KIAA1217: variants seen among roughly 807,000 people sequenced by gnomAD.
KIAA1217 encodes the protein KIAA1217, also known as sickle tail protein homolog.
In KIAA1217, 88 loss-of-function variants were observed where a neutral mutation model predicts 163.9. The observed-to-expected ratio is 0.54, with a 90% confidence interval of 0.45 to 0.64. The LOEUF is 0.64. Ranked by LOEUF, KIAA1217 falls within the 30% of genes least tolerant of loss-of-function variation. The pLI is 0.00. For missense variants in KIAA1217, 2,372 were observed against 2,475.0 expected, an observed-to-expected ratio of 0.96 and a Z score of 0.88; for synonymous variants, 903 against 923.1, an observed-to-expected ratio of 0.98 and a Z score of 0.39.
chr10:24,515,242 A>G (rs1290637071), intron 10 of KIAA1217, among the ~76,000 whole-genome samples: 1 of 151,516 alleles, frequency 6.6e-6, no homozygotes, highest in Non-Finnish European at 1.5e-5. Flanking sequence ...TAATTTTTGT[A>G]TTTTTAGTAA....
At chr10:23,786,453 A>G (rs1221340859) in intron 1 of KIAA1217, among the ~76,000 whole-genome samples, 1 of 149,724 alleles carries the variant, frequency 6.7e-6, no homozygotes, top group Non-Finnish European at 1.5e-5. Context: ...GCATTATTTT[A>G]TTGTCTTGAC....
At chr10:24,452,230 G>A (rs1592057866) in intron 5 of KIAA1217, among the ~76,000 whole-genome samples, 1 of 152,120 alleles carries the variant, frequency 6.6e-6, no homozygotes. Flanking sequence ...TACTCTGTCC[G>A]CTTTTGAGGA....
chr10:24,084,315 G>T (rs929267742), intron 2 of KIAA1217, among the ~76,000 whole-genome samples: 3 of 152,180 alleles, frequency 2.0e-5, no homozygotes, highest in African/African-American at 7.2e-5. Context: ...ACGTGGGCAA[G>T]GATTTTTGTG....
intron 1 of KIAA1217, among the ~76,000 whole-genome samples, chr10:23,743,547 G>A (rs1421618657): frequency 6.6e-6 from 1 of 152,152 alleles, no homozygotes; most frequent in Non-Finnish European, 1.5e-5. Context: ...AGGGATGAAG[G>A]ATCTAAAGAA....
intron 2 of KIAA1217, among the ~76,000 whole-genome samples, chr10:24,099,187 CT>C (rs568234232): frequency 0.14 from 20,360 of 146,076 alleles, 1,617 homozygotes; most frequent in Middle Eastern, 0.27. Context: ...CCTGCAAAAA[CT>C]TTTTTTTTTT....
intron 1 of KIAA1217, among the ~76,000 whole-genome samples, chr10:23,771,142 G>A (rs957817593): frequency 9.9e-5 from 15 of 151,976 alleles, no homozygotes; most frequent in African/African-American, 3.6e-4. Flanking sequence ...TCGACTTCAG[G>A]GATGGTTTCC....
At chr10:23,990,450 T>A (rs1564592162) in intron 1 of KIAA1217, among the ~76,000 whole-genome samples, 2 of 152,156 alleles carry the variant, frequency 1.3e-5, no homozygotes, top group Non-Finnish European at 2.9e-5. Flanking sequence ...GTTAATAATC[T>A]TTTTTTAATG....
At chr10:24,220,436 T>TTCTGC (rs1223073563) in intron 2 of KIAA1217, among the ~76,000 whole-genome samples, 7 of 149,350 alleles carry the variant, frequency 4.7e-5, no homozygotes, top group Admixed American at 1.4e-4. Flanking sequence ...AGGGTTTTGT[T>TTCTGC]TCTGCTCTTC....
At chr10:24,471,697 A>G (rs1350363366) in intron 5 of KIAA1217, among the ~76,000 whole-genome samples, 2 of 152,100 alleles carry the variant, frequency 1.3e-5, no homozygotes, top group African/African-American at 4.8e-5. Flanking sequence ...AGCCGGGCCA[A>G]CATGGAGAAA....
At chr10:24,056,188 A>G (rs1294200729) in intron 2 of KIAA1217, among the ~76,000 whole-genome samples, 2 of 152,228 alleles carry the variant, frequency 1.3e-5, no homozygotes, top group Middle Eastern at 3.4e-3. Flanking sequence ...AATAGTGGTA[A>G]CACAATTAAA....
intron 14 of KIAA1217, among the ~76,000 whole-genome samples, chr10:24,531,492 T>C (rs1046825492): frequency 5.3e-5 from 8 of 152,192 alleles, no homozygotes; most frequent in Admixed American, 5.2e-4. Context: ...AACAAGAATG[T>C]TATTTAATAA....
intron 3 of KIAA1217, among the ~76,000 whole-genome samples, chr10:24,418,157 A>G (rs1032291162): frequency 2.0e-5 from 3 of 151,944 alleles, no homozygotes; most frequent in East Asian, 3.9e-4. Flanking sequence ...TCATCTCATC[A>G]TATTATTCAG....
rs2065682461 is a variant in KIAA1217, at chr10:24,172,577, G to A, written c.-170-47049G>A. Among the ~76,000 whole-genome samples the A allele has an allele frequency of 1.3e-5, 2 of 152,182 alleles. 1 individual carries two copies. The highest frequency in any genetic ancestry group is 4.8e-5 in the African/African-American group (2 of 41,450). ...ACAATAACAGTACCTATTTTACTGA[G>A]CCATTGTGAGATTAAATGAGTTAAC... is the stretch of plus-strand genomic sequence containing the variant. On this transcript the variant is annotated intron_variant, in intron 2 of 18. Coordinates refer to the KIAA1217 transcript ENST00000376462.
At chr10:23,781,019 T>TA (rs1318139400) in intron 1 of KIAA1217, among the ~76,000 whole-genome samples, 1 of 152,166 alleles carries the variant, frequency 6.6e-6, no homozygotes, top group Non-Finnish European at 1.5e-5. Context: ...GACAGCCACT[T>TA]AGGTTGTTTC....
chr10:24,226,187 T>G (rs908941100), intron 2 of KIAA1217, among the ~76,000 whole-genome samples: 1 of 152,202 alleles, frequency 6.6e-6, no homozygotes, highest in African/African-American at 2.4e-5. Context: ...GTTTATGGTC[T>G]TTTCATTCAT....
chr10:24,150,798 T>G (rs1473522789), intron 2 of KIAA1217, among the ~76,000 whole-genome samples: 24 of 152,126 alleles, frequency 1.6e-4, no homozygotes. Flanking sequence ...GTAGCTGAAT[T>G]ATCTGATAGA....
intron 1 of KIAA1217, among the ~76,000 whole-genome samples, chr10:23,878,810 A>G (rs1275335300): frequency 1.3e-5 from 2 of 151,862 alleles, no homozygotes; most frequent in Non-Finnish European, 2.9e-5. Flanking sequence ...TTCTCAAACT[A>G]TTTTGGAGGT....
intron 4 of KIAA1217, among the ~76,000 whole-genome samples, chr10:24,434,545 C>G (rs77772236): frequency 6.6e-6 from 1 of 152,148 alleles, no homozygotes; most frequent in Non-Finnish European, 1.5e-5. Flanking sequence ...CTATGTTACC[C>G]AGGCTGGTCT....
At chr10:24,455,683 T>G (rs2061715493) in intron 5 of KIAA1217, among the ~76,000 whole-genome samples, 1 of 152,234 alleles carries the variant, frequency 6.6e-6, no homozygotes, top group South Asian at 2.1e-4. Context: ...AAAAGAGATG[T>G]TCTCCCAGGT....
Sources: gnomAD v4.1 joint callset for allele counts (sites outside exome capture counted in the v4.1 genomes callset) on GRCh38, gnomAD v4.1.1 for gene constraint, MANE v1.5 for transcripts, NCBI Gene and HGNC (gene_info 2026-07-23, HGNC 2026-07-21) for gene names.